The following ADAMTS17 variants were observed in gnomAD, a reference collection of about 807,000 sequenced individuals.
ADAMTS17 encodes A disintegrin and metalloproteinase with thrombospondin motifs 17.
ADAMTS17 carries 113 observed loss-of-function variants against 141.5 expected under a neutral mutation model. That is an observed-to-expected ratio of 0.80 (90% confidence interval 0.69 to 0.93). The LOEUF is 0.93. ADAMTS17 is among the 40% of genes least tolerant of loss of function. The pLI, the probability that ADAMTS17 is intolerant of heterozygous loss-of-function variation, is 0.00. For missense variants in ADAMTS17, 1,659 were observed against 1,517.9 expected, an observed-to-expected ratio of 1.09 and a Z score of -1.54; for synonymous variants, 768 against 630.6, an observed-to-expected ratio of 1.22 and a Z score of -3.27.
chr15:100,006,368 A>G (rs1478191052), intron 18 of ADAMTS17, among the ~76,000 whole-genome samples: 1 of 152,194 alleles, frequency 6.6e-6, no homozygotes, highest in South Asian at 2.1e-4. Flanking sequence ...CCTATTTAAA[A>G]TTCAATTTCT....
At position 100,287,253 on chromosome 15, in the gene ADAMTS17, G is replaced by A. The variant is rs113517981; in HGVS notation, c.617-5852C>T. On this transcript the variant is annotated intron_variant, in intron 3 of 21. Transcript: ENST00000268070. ...ACTACAAGAATTTCATAATGCAATC[G>A]CAAGTACTAACAGCAGGATACACCA... Among the ~76,000 whole-genome samples the A allele has an allele frequency of 1.6e-3, 240 of 152,220 alleles. 1 individual carries two copies. The highest frequency in any genetic ancestry group is 4.8e-3 in the African/African-American group (200 of 41,538).
intron 3 of ADAMTS17, among the ~76,000 whole-genome samples, chr15:100,325,234 T>C (rs1056261610): frequency 2.6e-5 from 4 of 152,204 alleles, no homozygotes; most frequent in African/African-American, 7.2e-5. Context: ...GCTTGAACTA[T>C]GCACCACACC....
chr15:100,339,226 GC>G, intron 2 of ADAMTS17: 2 of 930,936 alleles, frequency 2.1e-6, no homozygotes, highest in South Asian at 9.9e-5. Context: ...TGGCTGAGAT[GC>G]CATCTATGAC....
chr15:100,092,913 G>C (rs2035554923), intron 15 of ADAMTS17, among the ~76,000 whole-genome samples: 1 of 152,164 alleles, frequency 6.6e-6, no homozygotes, highest in African/African-American at 2.4e-5. Flanking sequence ...GTGCCAAGGA[G>C]CAGGGCGGAA....
chr15:100,329,456 G>A (rs942920082), intron 3 of ADAMTS17, among the ~76,000 whole-genome samples: 17 of 151,068 alleles, frequency 1.1e-4, no homozygotes, highest in African/African-American at 3.9e-4. Flanking sequence ...AGCGCAGGAG[G>A]TCAAGGCTGT....
In ADAMTS17 at chr15:100,051,671, G is replaced by A. The variant is rs139070738; in HGVS notation, c.2356C>T (p.Arg786Cys). 4.1e-5 allele frequency: 66 copies of A among 1,614,068 alleles called. No individual in the cohort carries two copies. The highest frequency in any genetic ancestry group is 5.3e-5 in the African/African-American group (4 of 74,918). ...IHYEYTVPVN[R>C]TAENQSEPEK... is the part of the protein sequence containing the mutation. ...GGTTCGCTTTGATTTTCCGCAGTGC[G>A]GTTTACAGGAACAGTGTATTCATAA... is the stretch of plus-strand genomic sequence containing the variant. Residue 786 changes from arginine to cysteine, a missense_variant, in exon 17 of 22, where the codon CGC (arginine) becomes TGC (cysteine). Arg to Cys is a radical substitution (Grantham distance 180). Transcript: ENST00000268070.
chr15:100,248,246 C>A (rs2043046650), intron 7 of ADAMTS17, among the ~76,000 whole-genome samples: 1 of 152,116 alleles, frequency 6.6e-6, no homozygotes, highest in Admixed American at 6.5e-5. Context: ...AAGCAAAGGG[C>A]AAAAAGAAGA....
chr15:100,252,504 G>A (rs375975080), intron 7 of ADAMTS17, among the ~76,000 whole-genome samples: 5 of 152,212 alleles, frequency 3.3e-5, no homozygotes, highest in East Asian at 1.9e-4. Flanking sequence ...GGAGGAGCAC[G>A]GAGCAGAGGC....
At chr15:100,047,063 A>C (rs368007115) in intron 18 of ADAMTS17, among the ~76,000 whole-genome samples, 1 of 152,006 alleles carries the variant, frequency 6.6e-6, no homozygotes, top group South Asian at 2.1e-4. Context: ...CCCTGAGGGT[A>C]GGCCTCTAAA....
chr15:100,227,566 G>GTGA (rs1338033612), intron 7 of ADAMTS17, among the ~76,000 whole-genome samples: 2 of 152,238 alleles, frequency 1.3e-5, no homozygotes, highest in African/African-American at 4.8e-5. Flanking sequence ...AGGCAGCCCA[G>GTGA]TGATGGCACA....
chr15:100,132,290 C>A, intron 11 of ADAMTS17, 138 bp from the exon 12 acceptor site: 1 of 1,238,636 alleles, frequency 8.1e-7, no homozygotes, highest in Non-Finnish European at 1.1e-6. Flanking sequence ...TCAGGGTTTG[C>A]ACGTTTGCTA....
intron 8 of ADAMTS17, among the ~76,000 whole-genome samples, chr15:100,165,904 C>T (rs2039934153): frequency 6.6e-6 from 1 of 150,524 alleles, no homozygotes; most frequent in Non-Finnish European, 1.5e-5. Context: ...GTTTTTTTTT[C>T]CAGAATGGCC....
intron 18 of ADAMTS17, among the ~76,000 whole-genome samples, chr15:100,011,939 C>T (rs115694822): frequency 0.015 from 2,346 of 152,296 alleles, 55 homozygotes; most frequent in African/African-American, 0.051. Flanking sequence ...AATGGTAGTT[C>T]TACTTTCAGT....
At chr15:100,290,853 A>G (rs556130950) in intron 3 of ADAMTS17, among the ~76,000 whole-genome samples, 1 of 152,360 alleles carries the variant, frequency 6.6e-6, no homozygotes, top group African/African-American at 2.4e-5. Context: ...TTAACTCGGG[A>G]TGGATTAAAT....
chr15:100,036,118 C>A (rs189590498), intron 18 of ADAMTS17, among the ~76,000 whole-genome samples: 7 of 152,270 alleles, frequency 4.6e-5, no homozygotes, highest in African/African-American at 1.7e-4. Context: ...CAGGGAGAAG[C>A]AGTAGGGCTT....
intron 8 of ADAMTS17, among the ~76,000 whole-genome samples, chr15:100,197,684 T>C (rs1250493638): frequency 1.3e-5 from 2 of 152,184 alleles, no homozygotes; most frequent in African/African-American, 4.8e-5. Context: ...ATTTCCTCCC[T>C]ACCCCAGGAA....
intron 20 of ADAMTS17, among the ~76,000 whole-genome samples, chr15:99,978,270 T>C (rs2060409935): frequency 6.6e-6 from 1 of 152,196 alleles, no homozygotes; most frequent in South Asian, 2.1e-4. Flanking sequence ...TTCCTCAGCT[T>C]CCTTGCCTGA....
intron 8 of ADAMTS17, among the ~76,000 whole-genome samples, chr15:100,163,506 G>C (rs889082822): frequency 1.8e-4 from 27 of 151,990 alleles, no homozygotes; most frequent in Admixed American, 6.6e-5. Context: ...TTAATTAATA[G>C]ACAGGGTCTC....
At chr15:100,264,798 T>A (rs770961496) in intron 4 of ADAMTS17, among the ~76,000 whole-genome samples, 17 of 151,812 alleles carry the variant, frequency 1.1e-4, no homozygotes, top group Non-Finnish European at 2.2e-4. Flanking sequence ...GAAAGTTTCG[T>A]GTTCCAGGGG....
Sources: allele counts gnomAD v4.1 joint callset (sites outside exome capture counted in the v4.1 genomes callset), GRCh38; gene constraint gnomAD v4.1.1; transcripts MANE v1.5; gene names NCBI Gene and HGNC (gene_info 2026-07-23, HGNC 2026-07-21).